Variants in CFAP61 observed in about 807,000 individuals in gnomAD.
CFAP61 encodes cilia- and flagella-associated protein 61.
A neutral mutation model predicts 135.6 loss-of-function variants in CFAP61; 107 were observed. The observed-to-expected ratio is 0.79, with a 90% confidence interval of 0.67 to 0.93. The LOEUF (loss-of-function observed/expected upper bound fraction) is 0.93, where lower values mean the gene tolerates loss of function less well. Among genes scored for constraint, CFAP61 ranks in the 40% least tolerant of loss-of-function variants. The probability of loss-of-function intolerance (pLI) is 0.00; values close to 1 mark genes in which losing one functional copy is unlikely to be tolerated. For missense variants in CFAP61, 1,507 were observed against 1,556.2 expected, an observed-to-expected ratio of 0.97 and a Z score of 0.53; for synonymous variants, 575 against 578.5, an observed-to-expected ratio of 0.99 and a Z score of 0.09.
Position 20,354,281 on chromosome 20 carries a change from C to G in CFAP61, c.3514-5929C>G, listed in dbSNP as rs1013105239. 2.6e-5 allele frequency among the ~76,000 whole-genome samples: 4 copies of G among 152,006 alleles called. No individual in the cohort carries two copies. In the East Asian group the frequency reaches 7.7e-4, roughly 29 times the overall value. On this transcript the variant is annotated intron_variant, in intron 26 of 26. Coordinates refer to ENST00000245957, the MANE Select transcript of CFAP61 (RefSeq NM_015585.4). ...CTTTGGGAGGCTGAGGCAGGTGGAT[C>G]ATTTGAGGTCAGGAGTTCAAGAGCA...
intron 20 of CFAP61, among the ~76,000 whole-genome samples, chr20:20,254,415 A>G (rs1261588476): frequency 6.6e-6 from 1 of 151,828 alleles, no homozygotes; most frequent in Non-Finnish European, 1.5e-5. Context: ...TTGGAAACTG[A>G]GTGGAAGACC....
chr20:20,131,897 A>T (rs1015474014), intron 8 of CFAP61, among the ~76,000 whole-genome samples: 1 of 151,996 alleles, frequency 6.6e-6, no homozygotes, highest in African/African-American at 2.4e-5. Flanking sequence ...TTAAAATATT[A>T]TTTATTTATT....
At chr20:20,325,136 C>A (rs538097230) in intron 25 of CFAP61, among the ~76,000 whole-genome samples, 2 of 152,124 alleles carry the variant, frequency 1.3e-5, no homozygotes, top group Admixed American at 1.3e-4. Context: ...CTCCCACATA[C>A]CCTCCTCCAC....
chr20:20,172,693 C>G (rs540372893), intron 13 of CFAP61, among the ~76,000 whole-genome samples: 53 of 152,172 alleles, frequency 3.5e-4, no homozygotes, highest in Non-Finnish European at 7.2e-4. Context: ...TTCTCACAAG[C>G]CCCTTCTCCA....
chr20:20,108,190 T>G (rs547751035), intron 8 of CFAP61, among the ~76,000 whole-genome samples: 1 of 152,206 alleles, frequency 6.6e-6, no homozygotes, highest in Non-Finnish European at 1.5e-5. Context: ...TTTCTGATGC[T>G]CTGAAGGTTG....
intron 20 of CFAP61, among the ~76,000 whole-genome samples, chr20:20,262,367 G>A (rs1021024968): frequency 7.2e-5 from 11 of 152,174 alleles, no homozygotes; most frequent in African/African-American, 2.7e-4. Context: ...CAGCCACCAC[G>A]TTATGAGGAA....
intron 25 of CFAP61, among the ~76,000 whole-genome samples, chr20:20,332,248 T>C (rs1029070112): frequency 6.6e-6 from 1 of 152,238 alleles, no homozygotes; most frequent in Non-Finnish European, 1.5e-5. Flanking sequence ...GGCTGTGCTT[T>C]CAGGATAAAC....
intron 25 of CFAP61, among the ~76,000 whole-genome samples, chr20:20,332,519 C>G (rs1157857655): frequency 3.3e-5 from 5 of 152,140 alleles, no homozygotes; most frequent in Non-Finnish European, 4.4e-5. Context: ...AAAGAAATAA[C>G]TCCATTTGGA....
At chr20:20,296,130 C>CCTTT (rs2055489207) in intron 24 of CFAP61, among the ~76,000 whole-genome samples, 1 of 900 alleles carries the variant, frequency 1.1e-3, no homozygotes, top group Non-Finnish European at 1.7e-3. Flanking sequence ...TTCCTTCCTT[C>CCTTT]CTTCCTCCCT....
intron 18 of CFAP61, among the ~76,000 whole-genome samples, chr20:20,238,612 G>C (rs77556915): frequency 3.4e-4 from 52 of 152,292 alleles, no homozygotes; most frequent in African/African-American, 1.2e-3. Context: ...ACTAGCGATC[G>C]CCTAGCAGGC....
At chr20:20,156,947 C>T (rs1363157297) in intron 9 of CFAP61, among the ~76,000 whole-genome samples, 1 of 152,094 alleles carries the variant, frequency 6.6e-6, no homozygotes, top group African/African-American at 2.4e-5. Flanking sequence ...ACATTTTCAG[C>T]AGGAATTTTT....
At chr20:20,318,000 AT>A (rs751204939) in intron 25 of CFAP61, among the ~76,000 whole-genome samples, 11 of 152,176 alleles carry the variant, frequency 7.2e-5, no homozygotes, top group Non-Finnish European at 1.5e-4. Flanking sequence ...GCTGGAAGTC[AT>A]TCAGGATATT....
At chr20:20,228,526 T>C (rs1333600995) in intron 18 of CFAP61, 150 bp downstream of exon 18, 1 of 626,902 alleles carries the variant, frequency 1.6e-6, no homozygotes, top group African/African-American at 1.8e-5. Flanking sequence ...AGTAGAAGAA[T>C]ATTCTAGATC....
Position 20,239,050 on chromosome 20 carries a change from C to T in CFAP61, c.2061-7067C>T, listed in dbSNP as rs543685091. Among the ~76,000 whole-genome samples, 5 of 152,134 alleles carry T rather than the reference C, an allele frequency of 3.3e-5. No homozygotes were observed. In the South Asian group the frequency reaches 1.0e-3, roughly 32 times the overall value. ...TTGTTTATATACATTAAGCCAACAC[C>T]ATTAGATCTGAGCTTTATCTGTGGT... is the stretch of plus-strand genomic sequence containing the variant. On this transcript the variant is annotated intron_variant, in intron 18 of 26. Coordinates refer to ENST00000245957, the MANE Select transcript of CFAP61 (RefSeq NM_015585.4).
intron 18 of CFAP61, among the ~76,000 whole-genome samples, chr20:20,243,643 G>A (rs1453288586): frequency 6.6e-6 from 1 of 151,978 alleles, no homozygotes; most frequent in Non-Finnish European, 1.5e-5. Context: ...CACCATGTTG[G>A]TCAGGCTGGT....
In CFAP61 at chr20:20,105,899, A is replaced by G. The variant is rs574768207; in HGVS notation, c.859+7085A>G. Among the ~76,000 whole-genome samples the G allele has an allele frequency of 3.2e-3, 478 of 150,340 alleles. 1 individual carries two copies. Among genetic ancestry groups the G allele is most frequent in the African/African-American group, 0.011 (452 of 41,140 alleles). On this transcript the variant is annotated intron_variant, in intron 8 of 26. Coordinates refer to ENST00000245957, the MANE Select transcript of CFAP61 (RefSeq NM_015585.4). The stretch of plus-strand genomic sequence containing the variant: ...TGTGATCCGCCCACCTCAGCCTCCC[A>G]AAGTGCTGGGATTACAGGCATGATG...
chr20:20,340,686 C>T (rs1216943373), intron 25 of CFAP61, among the ~76,000 whole-genome samples: 1 of 152,134 alleles, frequency 6.6e-6, no homozygotes, highest in Non-Finnish European at 1.5e-5. Context: ...ACGGAGGTGG[C>T]CGTAGACCCC....
chr20:20,138,953 T>C (rs2051150482), intron 8 of CFAP61, among the ~76,000 whole-genome samples: 2 of 152,238 alleles, frequency 1.3e-5, no homozygotes, highest in African/African-American at 4.8e-5. Context: ...GTCTTTATAA[T>C]GTCTTAATAT....
At chr20:20,194,398 C>T (rs1391685863) in intron 15 of CFAP61, among the ~76,000 whole-genome samples, 1 of 152,082 alleles carries the variant, frequency 6.6e-6, no homozygotes, top group East Asian at 1.9e-4. Flanking sequence ...TCTTATTGTT[C>T]CTTTTTGGTA....
Sources: allele counts gnomAD v4.1 joint callset (sites outside exome capture counted in the v4.1 genomes callset), GRCh38; gene constraint gnomAD v4.1.1; transcripts MANE v1.5; gene names NCBI Gene and HGNC (gene_info 2026-07-23, HGNC 2026-07-21).